The following DNAH9 variants were observed in gnomAD, a reference collection of about 807,000 sequenced individuals.
DNAH9 encodes DNAH9 variant protein.
Under a neutral mutation model 471.6 loss-of-function variants are expected in DNAH9, and 345 were observed. That is an observed-to-expected ratio of 0.73 (90% CI 0.67 to 0.80). The LOEUF is 0.80. Ranked by LOEUF, DNAH9 falls within the 30% of genes least tolerant of loss-of-function variation. DNAH9 has a pLI of 0.00. For synonymous variants in DNAH9, 2,093 were observed against 2,123.6 expected (o/e 0.99, Z 0.40); for missense variants, 5,407 against 5,609.2 (o/e 0.96, Z 1.15).
intron 14 of DNAH9, among the ~76,000 whole-genome samples, chr17:11,662,880 C>G (rs891050926): frequency 1.3e-5 from 2 of 150,136 alleles, no homozygotes; most frequent in African/African-American, 4.9e-5. Context: ...CTCAGCCTCC[C>G]AAGTAGCTGG....
At position 11,598,877 on chromosome 17, in the gene DNAH9, G is replaced by C. The variant is rs762530397; in HGVS notation, c.379G>C (p.Ala127Pro). The C allele has an allele frequency of 1.3e-6, 2 of 1,542,768 alleles. No homozygotes were observed. The highest frequency in any genetic ancestry group is 1.7e-6 in the Non-Finnish European group (2 of 1,151,022). Reference sequence around the variant, plus strand: ...CGCAGTGGTCTGCGGGGACCTGCCCGCGGCACCTCTGGAGCACCTAGCCGC... The same window carrying C: ...CGCAGTGGTCTGCGGGGACCTGCCCCCGGCACCTCTGGAGCACCTAGCCGC... ...RGAVVCGDLP[A>P]APLEHLAALF... Residue 127 changes from alanine (A) to proline (P), a missense_variant, in exon 1 of 69, where the codon GCG becomes CCG. Physicochemically the swap from Ala to Pro is conservative, Grantham distance 27 (BLOSUM62 -1). Coordinates refer to ENST00000262442, the MANE Select transcript of DNAH9 (RefSeq NM_001372.4).
chr17:11,785,871 T>C (rs1163035694), intron 41 of DNAH9, among the ~76,000 whole-genome samples: 8 of 152,162 alleles, frequency 5.3e-5, no homozygotes, highest in Admixed American at 5.2e-4. Context: ...AAGCATGTGA[T>C]GGTTAAGGCA....
At position 11,910,685 on chromosome 17, in the gene DNAH9, T is replaced by G. The variant is rs1407556631; in HGVS notation, c.11749+4876T>G. On this transcript the variant is annotated intron_variant, in intron 61 of 68. Transcript: ENST00000262442. ...ACTATCCCAACAGCAATATGCAAAT[T>G]CCAGTTTCCCCGAGTCTTCACCAAC... is the stretch of plus-strand genomic sequence containing the variant. 2.0e-5 allele frequency among the ~76,000 whole-genome samples: 3 copies of G among 152,268 alleles called. No homozygotes were observed. The East Asian group carries it at 5.8e-4, about 29-fold the overall frequency.
Position 11,961,862 on chromosome 17 carries a change from T to A in DNAH9, c.12844-5T>A. The A allele has an allele frequency of 6.3e-7, 1 of 1,593,958 alleles. No individual in the cohort carries two copies. The highest frequency in any genetic ancestry group is 1.1e-5 in the South Asian group (1 of 88,972). ...CGCTTTCCCCCTCCCATTCTTTATCTTCAGGGGGAGCTGACTATGACCAGC... is the reference window on the plus strand; with the variant it reads ...CGCTTTCCCCCTCCCATTCTTTATCATCAGGGGGAGCTGACTATGACCAGC... On this transcript the variant is annotated splice_region_variant and splice_polypyrimidine_tract_variant and intron_variant, in intron 67 of 68. Transcript: ENST00000262442.
intron 67 of DNAH9, among the ~76,000 whole-genome samples, chr17:11,950,108 A>G (rs148646124): frequency 3.3e-4 from 50 of 152,312 alleles, no homozygotes; most frequent in African/African-American, 1.1e-3. Flanking sequence ...TCACAGCAAA[A>G]TTGCACAGAA....
chr17:11,631,298 G>T (rs1421705772), intron 7 of DNAH9, among the ~76,000 whole-genome samples: 1 of 152,162 alleles, frequency 6.6e-6, no homozygotes, highest in Admixed American at 6.5e-5. Flanking sequence ...AAGAGTGTGT[G>T]CGGGAAAAGG....
chr17:11,694,488 G>A (rs1443523143), intron 22 of DNAH9, 41 bp downstream of exon 22: 6 of 1,611,658 alleles, frequency 3.7e-6, no homozygotes, highest in Non-Finnish European at 5.1e-6. Flanking sequence ...TAGGAGGGCT[G>A]AGGGGTGCCC....
intron 24 of DNAH9, among the ~76,000 whole-genome samples, chr17:11,703,090 CAAAAA>C (rs535913798): frequency 2.4e-4 from 21 of 87,862 alleles, no homozygotes; most frequent in African/African-American, 8.5e-4. Context: ...GAGACTGTCT[CAAAAA>C]AAAAAAAAAA....
rs1264479292 is a variant in DNAH9 at position 11,905,676 on chromosome 17, G to A, written c.11616G>A (p.Glu3872=). 1 of 1,613,812 alleles carries A rather than the reference G, an allele frequency of 6.2e-7. No homozygotes were observed. Among genetic ancestry groups the A allele is most frequent in the Non-Finnish European group, 8.5e-7 (1 of 1,179,916 alleles). The change falls in exon 61 of 69, where the codon GAG becomes GAA. Residue 3872 remains glutamate (E), a synonymous_variant. Coordinates refer to ENST00000262442, the MANE Select transcript of DNAH9 (RefSeq NM_001372.4). Reference sequence around the variant, plus strand: ...TTTCTGGCAGAGATTTTGTTGAAGAGAAGTTAGGAAGCAAATACGTGGTGG... The same window carrying A: ...TTTCTGGCAGAGATTTTGTTGAAGAAAAGTTAGGAAGCAAATACGTGGTGG... ...MTYALRDFVE[E]KLGSKYVVGR... is the part of the protein sequence containing the mutation.
intron 14 of DNAH9, among the ~76,000 whole-genome samples, chr17:11,653,391 C>T (rs1193420143): frequency 3.3e-5 from 5 of 152,156 alleles, no homozygotes; most frequent in African/African-American, 7.2e-5. Context: ...AACCCGGCTC[C>T]GTAGAGCCTA....
At position 11,665,445 on chromosome 17, in the gene DNAH9, G is replaced by T. The variant is rs1414639634; in HGVS notation, c.2731+477G>T. Among the ~76,000 whole-genome samples, 5 of 152,170 alleles carry T rather than the reference G, an allele frequency of 3.3e-5. No individual in the cohort carries two copies. In the East Asian group the frequency reaches 9.6e-4, roughly 29 times the overall value. On this transcript the variant is annotated intron_variant, in intron 15 of 68. Transcript: ENST00000262442. Reference sequence around the variant, plus strand: ...AAATGGAAGAAACAGAAGTTTTTCTGAGTGAAAGAGTCACACAAGAAGTAG... The same window carrying T: ...AAATGGAAGAAACAGAAGTTTTTCTTAGTGAAAGAGTCACACAAGAAGTAG...
At chr17:11,708,451 A>G (rs1200977763) in intron 26 of DNAH9, among the ~76,000 whole-genome samples, 1 of 152,166 alleles carries the variant, frequency 6.6e-6, no homozygotes, top group African/African-American at 2.4e-5. Flanking sequence ...AGACAAATGC[A>G]AATAGCACCT....
At chr17:11,791,012 T>C (rs1162534674) in intron 41 of DNAH9, among the ~76,000 whole-genome samples, 2 of 152,152 alleles carry the variant, frequency 1.3e-5, no homozygotes, top group African/African-American at 4.8e-5. Context: ...CAGCATTCCT[T>C]TAGAGTTACC....
At chr17:11,854,658 C>T (rs1259048678) in intron 50 of DNAH9, among the ~76,000 whole-genome samples, 4 of 152,124 alleles carry the variant, frequency 2.6e-5, no homozygotes, top group Non-Finnish European at 5.9e-5. Context: ...AGCTGTGGTG[C>T]GAAAAGGTTT....
At chr17:11,769,471 C>T (rs756043746) in intron 38 of DNAH9, 142 bp downstream of exon 38, 2 of 707,128 alleles carry the variant, frequency 2.8e-6, no homozygotes, top group Non-Finnish European at 4.9e-6. Context: ...CACGCCCCTT[C>T]TCACCTCTCC....
rs1308946331 is a variant in DNAH9 at position 11,923,813 on chromosome 17, G to A, written c.11750-1G>A. 1.9e-5 allele frequency: 30 copies of A among 1,613,466 alleles called. No homozygotes were observed. Among genetic ancestry groups the A allele is most frequent in the Non-Finnish European group, 2.5e-5 (30 of 1,179,736 alleles). ...TAATGACGCCTCCATCCTCCTTTTA[G>A]GAAGAAAACTTGGATACACCTTCAA... On this transcript the variant is annotated splice_acceptor_variant, in intron 61 of 68. Coordinates refer to ENST00000262442, the MANE Select transcript of DNAH9 (RefSeq NM_001372.4). LOFTEE classifies it high-confidence loss of function.
chr17:11,752,675 A>T (rs1177449392), intron 32 of DNAH9, among the ~76,000 whole-genome samples, 158 bp from the exon 33 acceptor site: 1 of 152,182 alleles, frequency 6.6e-6, no homozygotes, highest in Non-Finnish European at 1.5e-5. Flanking sequence ...AAAAAAAAAT[A>T]AAGTAAAATA....
At position 11,654,355 on chromosome 17, in the gene DNAH9, C is replaced by CAAAA. The variant is rs527835262; in HGVS notation, c.2595+1373_2595+1376dup. Among the ~76,000 whole-genome samples, 24 of 11,256 alleles carry CAAAA rather than the reference C, an allele frequency of 2.1e-3. 6 individuals carry two copies. Among genetic ancestry groups the CAAAA allele is most frequent in the South Asian group, 0.012 (7 of 608 alleles). 7.4% of individuals were successfully genotyped at this position (11,256 alleles called of 152,430 possible). The stretch of plus-strand genomic sequence containing the variant: ...TGGGCCACAGAGCGAGACTCCGTCT[C>CAAAA]AAAAAAAAAAAAAAAAAAAAAAAGT... On this transcript the variant is annotated intron_variant, in intron 14 of 68. Coordinates refer to ENST00000262442, the MANE Select transcript of DNAH9 (RefSeq NM_001372.4).
intron 45 of DNAH9, among the ~76,000 whole-genome samples, chr17:11,815,363 T>C (rs112367912): frequency 7.9e-5 from 12 of 152,330 alleles, no homozygotes; most frequent in Non-Finnish European, 1.6e-4. Flanking sequence ...GTATCTTCTC[T>C]ATCCTCACTA....
Sources: allele counts gnomAD v4.1 joint callset (sites outside exome capture counted in the v4.1 genomes callset), GRCh38; gene constraint gnomAD v4.1.1; transcripts MANE v1.5; gene names NCBI Gene and HGNC (gene_info 2026-07-23, HGNC 2026-07-21).